PIWIL3: variants seen among roughly 807,000 people sequenced by gnomAD.
The protein encoded by PIWIL3 is piwi-like protein 3.
In PIWIL3, 101 loss-of-function variants were observed where a neutral mutation model predicts 109.7. The ratio of observed to expected loss-of-function variants is 0.92; its 90% confidence interval spans 0.78 to 1.09. PIWIL3 has a LOEUF of 1.09. Among genes scored for constraint, PIWIL3 ranks in the 50% least tolerant of loss-of-function variants. PIWIL3 has a pLI of 0.00. For synonymous variants in PIWIL3, 373 were observed against 376.4 expected (o/e 0.99, Z 0.10); for missense variants, 1,031 against 1,072.6 (o/e 0.96, Z 0.54).
At chr22:24,736,959 G>A (rs902116135) in intron 12 of PIWIL3, among the ~76,000 whole-genome samples, 3 of 152,296 alleles carry the variant, frequency 2.0e-5, no homozygotes, top group South Asian at 2.1e-4. Context: ...CCATGGGCTG[G>A]GGTGCTCTGT....
intron 3 of PIWIL3, among the ~76,000 whole-genome samples, chr22:24,758,618 G>A (rs147120013): frequency 1.0e-3 from 155 of 152,230 alleles, no homozygotes; most frequent in African/African-American, 3.6e-3. Flanking sequence ...TGTAAATCCC[G>A]TACACCTAAA....
chr22:24,719,156 A>AT lies in PIWIL3; in HGVS notation c.*315dup, dbSNP rs1922513878. ...CACAGATGTACTCTCTCTGTGACGA[A>AT]TGCCCCATCTTTTCAATTCTTAGAG... On this transcript the variant is annotated 3_prime_UTR_variant, in exon 21 of 21. Coordinates refer to ENST00000616349, the MANE Select transcript of PIWIL3 (RefSeq NM_001255975.1). 1.2e-5 allele frequency: 2 copies of AT among 167,436 alleles called. No individual in the cohort carries two copies. The highest frequency in any genetic ancestry group is 2.6e-5 in the Non-Finnish European group (2 of 78,380). 10.4% of individuals were successfully genotyped at this position (167,436 alleles called of 1,614,324 possible). A position where few individuals can be genotyped will look rare whatever the true frequency, so the allele number is the denominator to read the frequency against.
chr22:24,755,751 G>A, intron 6 of PIWIL3, 33 bp downstream of exon 6: 2 of 1,612,286 alleles, frequency 1.2e-6, no homozygotes. Context: ...ACAACCGAAT[G>A]AGTATCAAAG....
Position 24,733,975 on chromosome 22 carries a change from C to A in PIWIL3, c.1707+109G>T, listed in dbSNP as rs1014683891. The A allele has an allele frequency of 8.2e-6, 10 of 1,224,914 alleles. No individual in the cohort carries two copies. The East Asian group carries it at 2.7e-4, about 33-fold the overall frequency. 75.9% of individuals were successfully genotyped at this position (1,224,914 alleles called of 1,614,324 possible). ...AGCTAATAGCAGGTTAATCTGCTTT[C>A]GTTGGCAAGTTCAGGAAACCAACAA... On this transcript the variant is annotated intron_variant, in intron 14 of 20. Coordinates refer to ENST00000616349, the MANE Select transcript of PIWIL3 (RefSeq NM_001255975.1).
chr22:24,767,310 C>T (rs1003231572), intron 1 of PIWIL3, among the ~76,000 whole-genome samples: 10 of 151,760 alleles, frequency 6.6e-5, no homozygotes, highest in East Asian at 5.8e-4. Flanking sequence ...CTGAGGTGGG[C>T]GGATAACCTG....
rs545163597 is a variant in PIWIL3, at chr22:24,747,184, G to C, written c.1449+1723C>G. ...ACCCAAAAATAAATCCATATCTACT[G>C]TGAACTCATTTTTGACAAAGGAACC... On this transcript the variant is annotated intron_variant, in intron 12 of 20. Transcript: ENST00000616349. 2.0e-5 allele frequency among the ~76,000 whole-genome samples: 3 copies of C among 152,004 alleles called. No individual in the cohort carries two copies. In the South Asian group the frequency reaches 6.2e-4, roughly 31 times the overall value.
intron 1 of PIWIL3, among the ~76,000 whole-genome samples, chr22:24,771,930 G>A (rs931157643): frequency 2.6e-5 from 4 of 152,082 alleles, no homozygotes; most frequent in African/African-American, 9.7e-5. Flanking sequence ...TCCTGACCTC[G>A]TGATCCACCT....
At chr22:24,757,659 T>TAC (rs57298578) in intron 4 of PIWIL3, among the ~76,000 whole-genome samples, 1,667 of 109,744 alleles carry the variant, frequency 0.015, 20 homozygotes, top group East Asian at 0.038. Context: ...ATGTATATAT[T>TAC]ACACACACAC....
At chr22:24,749,359 C>T in intron 11 of PIWIL3, 45 bp downstream of exon 11, 2 of 1,601,330 alleles carry the variant, frequency 1.2e-6, no homozygotes, top group Non-Finnish European at 8.5e-7. Context: ...TTCACTGGGA[C>T]ACCATGCACA....
At chr22:24,735,623 C>G in intron 13 of PIWIL3, 85 bp downstream of exon 13, 1 of 1,319,174 alleles carries the variant, frequency 7.6e-7, no homozygotes, top group Non-Finnish European at 1.0e-6. Flanking sequence ...ATACAGTGAC[C>G]AATTCCTACA....
chr22:24,771,476 CAAAAAA>C (rs60085341), intron 1 of PIWIL3, among the ~76,000 whole-genome samples: 1 of 114,424 alleles, frequency 8.7e-6, no homozygotes, highest in East Asian at 2.5e-4. Flanking sequence ...GACTCCATCT[CAAAAAA>C]AAAAAAAAAA....
chr22:24,749,563 TTGAG>T, intron 10 of PIWIL3, 42 bp from the exon 11 acceptor site: 3 of 1,611,756 alleles, frequency 1.9e-6, no homozygotes, highest in Non-Finnish European at 2.5e-6. Context: ...AAGCATGAAT[TTGAG>T]TGAGGACTAA....
chr22:24,759,771 A>C (rs1925302913), intron 3 of PIWIL3, 98 bp downstream of exon 3: 1 of 1,551,228 alleles, frequency 6.4e-7, no homozygotes, highest in African/African-American at 1.4e-5. Context: ...ACCAAACCTC[A>C]CGGGAGTCCT....
At chr22:24,744,190 A>AAAAAAAAAAC (rs1569103604) in intron 12 of PIWIL3, among the ~76,000 whole-genome samples, 42 of 146,548 alleles carry the variant, frequency 2.9e-4, no homozygotes, top group Non-Finnish European at 5.7e-4. Flanking sequence ...AAAAAAAAAA[A>AAAAAAAAAAC]AAAAAAAAAA....
chr22:24,740,305 T>C (rs1322434370), intron 12 of PIWIL3, among the ~76,000 whole-genome samples: 3 of 150,690 alleles, frequency 2.0e-5, no homozygotes, highest in African/African-American at 7.3e-5. Flanking sequence ...TCCCAGCACT[T>C]TGGGAGCCCG....
At chr22:24,770,457 C>T (rs1601857743) in intron 1 of PIWIL3, among the ~76,000 whole-genome samples, 1 of 152,032 alleles carries the variant, frequency 6.6e-6, no homozygotes, top group Non-Finnish European at 1.5e-5. Context: ...TCCCCCCAGA[C>T]ACTCCTTGTA....
chr22:24,750,209 C>A (rs1924620236), intron 9 of PIWIL3, among the ~76,000 whole-genome samples: 1 of 152,060 alleles, frequency 6.6e-6, no homozygotes, highest in Non-Finnish European at 1.5e-5. Context: ...GCCACCAGTA[C>A]CTGTCATGTA....
chr22:24,753,347 C>T (rs765017662), intron 8 of PIWIL3, among the ~76,000 whole-genome samples: 5 of 152,316 alleles, frequency 3.3e-5, no homozygotes, highest in Non-Finnish European at 7.3e-5. Flanking sequence ...GAGGAAGAAG[C>T]AGGTGGATGT....
chr22:24,721,734 T>G (rs1042988074), intron 19 of PIWIL3, among the ~76,000 whole-genome samples: 1 of 152,246 alleles, frequency 6.6e-6, no homozygotes, highest in Non-Finnish European at 1.5e-5. Flanking sequence ...CATTAGATAT[T>G]CTTACGGCCT....
Sources: allele counts gnomAD v4.1 joint callset (sites outside exome capture counted in the v4.1 genomes callset), GRCh38; gene constraint gnomAD v4.1.1; transcripts MANE v1.5; gene names NCBI Gene and HGNC (gene_info 2026-07-23, HGNC 2026-07-21).